The following PIAS1 variants were observed in gnomAD, a reference collection of about 807,000 sequenced individuals.
PIAS1 encodes the protein E3 SUMO-protein ligase PIAS1.
In PIAS1, 6 loss-of-function variants were observed where a neutral mutation model predicts 71.3. That is an observed-to-expected ratio of 0.08 (90% CI 0.05 to 0.17). The LOEUF is 0.17. Ranked by LOEUF, PIAS1 falls within the 10% of genes least tolerant of loss-of-function variation. The pLI, the probability that PIAS1 is intolerant of heterozygous loss-of-function variation, is 1.00. For synonymous variants in PIAS1, 303 were observed against 292.9 expected (o/e 1.03, Z -0.35); for missense variants, 555 against 793.6 (o/e 0.70, Z 3.61).
intron 7 of PIAS1, among the ~76,000 whole-genome samples, chr15:68,162,601 G>A (rs1448017124): frequency 2.6e-5 from 4 of 152,158 alleles, no homozygotes; most frequent in East Asian, 1.9e-4. Flanking sequence ...GAGAACCAGC[G>A]AAGCCAGTAA....
In PIAS1 at chr15:68,191,024, G is replaced by T. The variant is rs2093117238; in HGVS notation, c.*3189G>T. The T allele has an allele frequency of 6.6e-6, 1 of 152,338 alleles. No individual in the cohort carries two copies. Among genetic ancestry groups the T allele is most frequent in the Admixed American group, 6.5e-5 (1 of 15,278 alleles). The allele number at this position is 152,338 out of a possible 1,614,324, so 9.4% of individuals were successfully genotyped here. On this transcript the variant is annotated 3_prime_UTR_variant, in exon 14 of 14. Transcript: ENST00000249636. ...AATTTTAAACACATAAAACTTTCAA[G>T]ATCTTCAGGACTTTTTAAAGCACAT...
At chr15:68,139,780 C>G (rs2092757967) in intron 2 of PIAS1, among the ~76,000 whole-genome samples, 1 of 151,848 alleles carries the variant, frequency 6.6e-6, no homozygotes, top group Non-Finnish European at 1.5e-5. Context: ...CAGATAGATA[C>G]TTTTTTCTGT....
intron 2 of PIAS1, among the ~76,000 whole-genome samples, chr15:68,116,626 T>G (rs1454780193): frequency 6.7e-6 from 1 of 150,262 alleles, no homozygotes; most frequent in Non-Finnish European, 1.5e-5. Flanking sequence ...TCCTTTGGGT[T>G]TCATTTCTCT....
intron 2 of PIAS1, among the ~76,000 whole-genome samples, chr15:68,104,166 TTC>T (rs1016888663): frequency 1.3e-5 from 2 of 152,282 alleles, no homozygotes; most frequent in East Asian, 1.9e-4. Flanking sequence ...TGTAGTAGAT[TTC>T]TCTCTTACAA....
rs1406775363 is a variant in PIAS1, at chr15:68,167,569, T to C, written c.1008+2765T>C. 6.6e-6 allele frequency among the ~76,000 whole-genome samples: 1 copy of C among 152,164 alleles called. No individual in the cohort carries two copies. Among genetic ancestry groups the C allele is most frequent in the East Asian group, 1.9e-4 (1 of 5,196 alleles). On this transcript the variant is annotated intron_variant, in intron 8 of 13. Coordinates refer to ENST00000249636, the MANE Select transcript of PIAS1 (RefSeq NM_016166.3). The surrounding 1 kb of genome is among the most constrained non-coding windows in gnomAD (Gnocchi z 4.4). ...GGTTCTGATTTATTAAAAATAGAGG[T>C]GGAGGAATCTTTGAAAAGCTGCTTT... is the stretch of plus-strand genomic sequence containing the variant.
At chr15:68,137,537 TAGG>T (rs1285522390) in intron 2 of PIAS1, among the ~76,000 whole-genome samples, 2 of 152,040 alleles carry the variant, frequency 1.3e-5, no homozygotes, top group East Asian at 1.9e-4. Flanking sequence ...GCTGCACTGG[TAGG>T]AGTACAGCAC....
intron 6 of PIAS1, among the ~76,000 whole-genome samples, chr15:68,147,704 T>C (rs2092817974): frequency 6.6e-6 from 1 of 152,186 alleles, no homozygotes; most frequent in Non-Finnish European, 1.5e-5. Flanking sequence ...GTTTCATATT[T>C]TACCTTTAAA....
At chr15:68,129,101 A>G (rs1595748689) in intron 2 of PIAS1, among the ~76,000 whole-genome samples, 2 of 152,084 alleles carry the variant, frequency 1.3e-5, no homozygotes, top group South Asian at 4.1e-4. Context: ...TCTCTCTGTC[A>G]CTCTGGCTGG....
rs1004151905 is a variant in PIAS1 at position 68,185,720 on chromosome 15, T to A, written c.1663-1822T>A. Among the ~76,000 whole-genome samples the A allele has an allele frequency of 6.6e-6, 1 of 152,130 alleles. No individual in the cohort carries two copies. The highest frequency in any genetic ancestry group is 1.5e-5 in the Non-Finnish European group (1 of 68,024). ...GGCTTACACCTATAATCCCAGCACT[T>A]TGGGAGGCCAAAGCGGGTAGATCAT... On this transcript the variant is annotated intron_variant, in intron 13 of 13. Coordinates refer to ENST00000249636, the MANE Select transcript of PIAS1 (RefSeq NM_016166.3). The surrounding 1 kb of genome is among the most constrained non-coding windows in gnomAD (Gnocchi z 4.4).
intron 1 of PIAS1, among the ~76,000 whole-genome samples, chr15:68,074,677 C>G (rs183996768): frequency 7.9e-5 from 12 of 152,202 alleles, no homozygotes; most frequent in Non-Finnish European, 1.0e-4. Flanking sequence ...AAACCATAAC[C>G]ACAGATCATT....
At chr15:68,098,831 A>G (rs554840227) in intron 2 of PIAS1, among the ~76,000 whole-genome samples, 1 of 152,274 alleles carries the variant, frequency 6.6e-6, no homozygotes, top group East Asian at 1.9e-4. Flanking sequence ...ACATTGCTGT[A>G]GAGAATATTC....
intron 2 of PIAS1, among the ~76,000 whole-genome samples, chr15:68,125,359 T>G (rs1027206723): frequency 1.3e-5 from 2 of 152,218 alleles, no homozygotes; most frequent in Non-Finnish European, 2.9e-5. Context: ...TCTGTCATCT[T>G]GAGGTCTTCT....
At chr15:68,129,677 A>G (rs777584345) in intron 2 of PIAS1, among the ~76,000 whole-genome samples, 8 of 152,156 alleles carry the variant, frequency 5.3e-5, no homozygotes, top group Non-Finnish European at 1.0e-4. Flanking sequence ...GTGTTTATAT[A>G]GTGGATACTT....
chr15:68,134,455 T>C (rs1207218647), intron 2 of PIAS1, among the ~76,000 whole-genome samples: 7 of 47,412 alleles, frequency 1.5e-4, no homozygotes, highest in East Asian at 5.8e-4. Context: ...GAGGCGCCCC[T>C]CACCTCCCGG....
Position 68,180,660 on chromosome 15 carries a change from CTG to C in PIAS1, c.1482-550_1482-549del, listed in dbSNP as rs1308209672. Among the ~76,000 whole-genome samples the C allele has an allele frequency of 2.0e-5, 3 of 152,258 alleles. No individual in the cohort carries two copies. The East Asian group carries it at 5.8e-4, about 29-fold the overall frequency. The stretch of plus-strand genomic sequence containing the variant: ...TTTTATGCAAACAATGTGCTGATAA[CTG>C]TACTGGGCATTGGGTATACTAAACA... On this transcript the variant is annotated intron_variant, in intron 11 of 13. Coordinates refer to ENST00000249636, the MANE Select transcript of PIAS1 (RefSeq NM_016166.3).
intron 1 of PIAS1, among the ~76,000 whole-genome samples, chr15:68,061,107 G>A (rs1233679196): frequency 6.6e-6 from 1 of 152,232 alleles, no homozygotes; most frequent in Non-Finnish European, 1.5e-5. Context: ...TGCAACATCT[G>A]AAAAGTAGTG....
At position 68,091,935 on chromosome 15, in the gene PIAS1, A is replaced by G. The variant is rs74020023; in HGVS notation, c.469+5185A>G. Among the ~76,000 whole-genome samples the G allele has an allele frequency of 4.5e-3, 679 of 152,320 alleles. 5 individuals carry two copies. The highest frequency in any genetic ancestry group is 0.015 in the African/African-American group (626 of 41,560). On this transcript the variant is annotated intron_variant, in intron 2 of 13. Transcript: ENST00000249636. ...GAATACCTATTGTTTTCTTACCACC[A>G]TGAAGTTGGAAAATTGTTAAGTCGA... is the stretch of plus-strand genomic sequence containing the variant.
intron 8 of PIAS1, among the ~76,000 whole-genome samples, chr15:68,168,217 T>G (rs924376323): frequency 4.0e-5 from 6 of 151,222 alleles, no homozygotes; most frequent in African/African-American, 1.5e-4. Flanking sequence ...CCATGTTGGC[T>G]AGGCTAGTCT....
In PIAS1 at chr15:68,054,559, T is replaced by G; in HGVS notation, c.24+209T>G. ...CGGGTGCCTCGGGGGCGCTGACGGGTCGTCCCCGGCGTGTTATTGTTGTGG... is the reference window on the plus strand; with the variant it reads ...CGGGTGCCTCGGGGGCGCTGACGGGGCGTCCCCGGCGTGTTATTGTTGTGG... On this transcript the variant is annotated intron_variant, in intron 1 of 13. Coordinates refer to ENST00000249636, the MANE Select transcript of PIAS1 (RefSeq NM_016166.3). This position sits in a 1 kb window ranked among gnomAD's most constrained non-coding sequence, Gnocchi z 4.6. The G allele has an allele frequency of 2.1e-6, 1 of 487,260 alleles. No individual in the cohort carries two copies. The highest frequency in any genetic ancestry group is 3.6e-5 in the East Asian group (1 of 27,866). 30.2% of individuals were successfully genotyped at this position (487,260 alleles called of 1,614,324 possible). A position where few individuals can be genotyped will look rare whatever the true frequency, so the allele number is the denominator to read the frequency against.
Sources: gnomAD v4.1 joint callset for allele counts (sites outside exome capture counted in the v4.1 genomes callset) on GRCh38, gnomAD v4.1.1 for gene constraint, Gnocchi (gnomAD v3.1) non-coding constraint, MANE v1.5 for transcripts, NCBI Gene and HGNC (gene_info 2026-07-23, HGNC 2026-07-21) for gene names.